Variants in ANO4 observed in about 807,000 individuals in gnomAD.
ANO4 encodes anoctamin 4.
A neutral mutation model predicts 141.9 loss-of-function variants in ANO4; 69 were observed. The observed-to-expected ratio is 0.49, with a 90% CI of 0.40 to 0.59. The LOEUF (loss-of-function observed/expected upper bound fraction) is 0.59. Among genes scored for constraint, ANO4 ranks in the 20% least tolerant of loss-of-function variants. The pLI, the probability that ANO4 is intolerant of heterozygous loss-of-function variation, is 0.00. For synonymous variants in ANO4, 350 were observed against 394.3 expected (o/e 0.89, Z 1.33); for missense variants, 894 against 1,162.2 (o/e 0.77, Z 3.36).
At chr12:100,806,525 T>TTTC (rs2035051349) in intron 1 of ANO4, among the ~76,000 whole-genome samples, 1 of 17,718 alleles carries the variant, frequency 5.6e-5, no homozygotes, top group Non-Finnish European at 9.7e-5. Context: ...TTTTGTTTCG[T>TTTC]TTTTTTTTTT....
chr12:101,023,812 G>A (rs1197970892), intron 9 of ANO4, among the ~76,000 whole-genome samples: 1 of 152,194 alleles, frequency 6.6e-6, no homozygotes, highest in Non-Finnish European at 1.5e-5. Flanking sequence ...CTAATGGCCT[G>A]TAGATTCAAT....
rs565020285 is a variant in ANO4 at position 100,934,715 on chromosome 12, A to G, written c.161-4600A>G. On this transcript the variant is annotated intron_variant, in intron 3 of 27. Coordinates refer to ENST00000392977, the MANE Select transcript of ANO4 (RefSeq NM_001286615.2). ...CATTTTCATGATATTGACTCTTCCT[A>G]TCCATGAGCATGGAATATTCTTCCA... Among the ~76,000 whole-genome samples, 7 of 152,236 alleles carry G rather than the reference A, an allele frequency of 4.6e-5. No individual in the cohort carries two copies. In the South Asian group the frequency reaches 1.2e-3, roughly 27 times the overall value.
At chr12:100,919,327 G>C (rs1373066469) in intron 2 of ANO4, among the ~76,000 whole-genome samples, 1 of 152,116 alleles carries the variant, frequency 6.6e-6, no homozygotes, top group East Asian at 1.9e-4. Context: ...GACTCATTCA[G>C]AGCAACTTTC....
At chr12:100,732,750 G>T (rs138140970) in intron 1 of ANO4, among the ~76,000 whole-genome samples, 19 of 152,242 alleles carry the variant, frequency 1.2e-4, no homozygotes, top group Non-Finnish European at 2.4e-4. Context: ...TCTGCCACAT[G>T]CTGTCAGTGT....
intron 1 of ANO4, among the ~76,000 whole-genome samples, chr12:100,719,461 G>A (rs531801096): frequency 4.6e-5 from 7 of 152,116 alleles, no homozygotes; most frequent in African/African-American, 7.2e-5. Flanking sequence ...GGAACCCTCC[G>A]CAAATCTTCT....
rs143417320 is a variant in ANO4 at position 100,871,594 on chromosome 12, C to T, written c.-140-30052C>T. ...GGACTGTTAATTATTCACCATTCTG[C>T]ATACACTCTGATTGGGTGGCTTACA... On this transcript the variant is annotated intron_variant, in intron 1 of 27. Transcript: ENST00000392977. Among the ~76,000 whole-genome samples, 38 of 152,328 alleles carry T rather than the reference C, an allele frequency of 2.5e-4. 1 individual carries two copies. Among genetic ancestry groups the T allele is most frequent in the African/African-American group, 8.7e-4 (36 of 41,568 alleles).
intron 1 of ANO4, among the ~76,000 whole-genome samples, chr12:100,824,417 A>G (rs563456717): frequency 6.6e-6 from 1 of 152,184 alleles, no homozygotes; most frequent in African/African-American, 2.4e-5. Flanking sequence ...AGCATTGCAA[A>G]TTAAGAACAA....
intron 14 of ANO4, among the ~76,000 whole-genome samples, chr12:101,078,228 C>CA (rs1262716606): frequency 6.6e-6 from 1 of 152,140 alleles, no homozygotes; most frequent in East Asian, 1.9e-4. Context: ...AGTCTAACTG[C>CA]ATGACAAGGC....
intron 1 of ANO4, among the ~76,000 whole-genome samples, chr12:100,869,800 A>C (rs1057162168): frequency 6.6e-6 from 1 of 152,196 alleles, no homozygotes; most frequent in Non-Finnish European, 1.5e-5. Context: ...GAAGAAGCCA[A>C]GAGACTCAAC....
intron 1 of ANO4, among the ~76,000 whole-genome samples, chr12:100,719,731 A>G (rs909904539): frequency 2.0e-5 from 3 of 152,238 alleles, no homozygotes; most frequent in Non-Finnish European, 4.4e-5. Flanking sequence ...TAGGCATTTC[A>G]TTAGCAGCAG....
intron 9 of ANO4, among the ~76,000 whole-genome samples, chr12:101,035,232 T>C (rs1230591706): frequency 2.0e-5 from 3 of 152,160 alleles, no homozygotes; most frequent in African/African-American, 2.4e-5. Flanking sequence ...GCTACTGATA[T>C]TTGCAACAAC....
At chr12:101,020,182 G>A (rs2046464890) in intron 9 of ANO4, 42 bp downstream of exon 9, 5 of 1,376,164 alleles carry the variant, frequency 3.6e-6, no homozygotes, top group African/African-American at 2.9e-5. Flanking sequence ...TTGGCATTTG[G>A]GAATTACAGA....
chr12:100,957,148 G>T (rs2043202833), intron 5 of ANO4, among the ~76,000 whole-genome samples: 1 of 152,184 alleles, frequency 6.6e-6, no homozygotes, highest in African/African-American at 2.4e-5. Context: ...GGTTCTACAG[G>T]CTGGAAAATA....
chr12:100,844,422 T>C (rs2037452009), intron 1 of ANO4, among the ~76,000 whole-genome samples: 1 of 152,120 alleles, frequency 6.6e-6, no homozygotes, highest in Admixed American at 6.6e-5. Flanking sequence ...GGATAATGTA[T>C]TGGAAATAAA....
At chr12:101,029,278 A>T (rs1159118392) in intron 9 of ANO4, among the ~76,000 whole-genome samples, 3 of 152,190 alleles carry the variant, frequency 2.0e-5, no homozygotes, top group African/African-American at 7.2e-5. Flanking sequence ...ATCAACTAGT[A>T]TGCAAAATAA....
intron 1 of ANO4, among the ~76,000 whole-genome samples, chr12:100,852,707 G>T (rs919534553): frequency 6.6e-6 from 1 of 152,122 alleles, no homozygotes. Context: ...AAGGAAGATG[G>T]AACTAACAGT....
intron 1 of ANO4, among the ~76,000 whole-genome samples, chr12:100,721,164 A>T (rs1464282829): frequency 6.6e-6 from 1 of 151,410 alleles, no homozygotes; most frequent in African/African-American, 2.4e-5. Flanking sequence ...CACAAACTCA[A>T]TGTGTCCAAA....
chr12:100,913,656 C>T (rs532959237), intron 2 of ANO4, among the ~76,000 whole-genome samples: 12 of 152,226 alleles, frequency 7.9e-5, no homozygotes, highest in South Asian at 4.1e-4. Context: ...GGAATGTATC[C>T]GCTGAAGATA....
intron 1 of ANO4, among the ~76,000 whole-genome samples, chr12:100,801,870 A>G (rs2034717848): frequency 1.3e-5 from 2 of 152,178 alleles, no homozygotes; most frequent in African/African-American, 4.8e-5. Flanking sequence ...GAGGATAGTT[A>G]ATAGGGTCTG....
Sources: allele counts gnomAD v4.1 joint callset (sites outside exome capture counted in the v4.1 genomes callset), GRCh38; gene constraint gnomAD v4.1.1; transcripts MANE v1.5; gene names NCBI Gene and HGNC (gene_info 2026-07-23, HGNC 2026-07-21).